The following STX18 variants were observed in gnomAD, a reference collection of about 807,000 sequenced individuals.
The protein encoded by STX18 is syntaxin 18, also known as syntaxin-18.
In STX18, 40 loss-of-function variants were observed where a neutral mutation model predicts 50.1. The observed-to-expected ratio is 0.80, with a 90% CI of 0.62 to 1.04. STX18 has a LOEUF of 1.04. Among genes scored for constraint, STX18 ranks in the 50% least tolerant of loss-of-function variants. The pLI, the probability that STX18 is intolerant of heterozygous loss-of-function variation, is 0.00. For missense variants in STX18, 410 were observed against 415.8 expected (o/e 0.99, Z 0.12); for synonymous variants, 158 against 151.8 (o/e 1.04, Z -0.30).
intron 5 of STX18, among the ~76,000 whole-genome samples, chr4:4,447,588 C>T (rs534466507): frequency 1.3e-4 from 9 of 70,152 alleles, no homozygotes; most frequent in Admixed American, 2.3e-4. Context: ...GAGACTCCGT[C>T]TCACAAAAAA....
chr4:4,430,923 C>T (rs1050924506), intron 7 of STX18, among the ~76,000 whole-genome samples: 2 of 152,210 alleles, frequency 1.3e-5, no homozygotes, highest in African/African-American at 2.4e-5. Flanking sequence ...ATAGCCAACT[C>T]TGTCTAGTCC....
At chr4:4,512,575 C>G (rs954622565) in intron 1 of STX18, among the ~76,000 whole-genome samples, 1 of 152,252 alleles carries the variant, frequency 6.6e-6, no homozygotes, top group Admixed American at 6.5e-5. Flanking sequence ...TGCTGATTAA[C>G]AAGCACACCA....
intron 1 of STX18, among the ~76,000 whole-genome samples, chr4:4,541,224 C>T (rs1731575598): frequency 2.0e-5 from 3 of 152,212 alleles, no homozygotes; most frequent in Admixed American, 1.3e-4. Context: ...GGGACACCTG[C>T]TCTGATCAGG....
intron 1 of STX18, among the ~76,000 whole-genome samples, chr4:4,500,087 T>TA (rs927900381): frequency 6.7e-6 from 1 of 149,926 alleles, no homozygotes; most frequent in Non-Finnish European, 1.5e-5. Context: ...CACTTGGTGT[T>TA]AAAAAAAAAT....
intron 7 of STX18, among the ~76,000 whole-genome samples, chr4:4,430,692 G>C (rs968178125): frequency 1.3e-5 from 2 of 152,196 alleles, no homozygotes; most frequent in Non-Finnish European, 2.9e-5. Context: ...CATATCAGTT[G>C]CTAAAACACG....
At chr4:4,514,824 G>A (rs988760688) in intron 1 of STX18, among the ~76,000 whole-genome samples, 1 of 151,982 alleles carries the variant, frequency 6.6e-6, no homozygotes, top group Non-Finnish European at 1.5e-5. Flanking sequence ...CAGATAAGGG[G>A]GTATATGAGA....
In STX18 at chr4:4,421,242, T is replaced by TGAAACG. The variant is rs1724943039; in HGVS notation, c.832-304_832-299dup. On this transcript the variant is annotated intron_variant, in intron 9 of 10. Transcript: ENST00000306200. ...AGAAGTAGGTATTACCTCTATTTTATGAAACGGAAACTCACGGCTCAGAGA... is the reference window on the plus strand; with the variant it reads ...AGAAGTAGGTATTACCTCTATTTTATGAAACGGAAACGGAAACTCACGGCTCAGAGA... 3.9e-5 allele frequency among the ~76,000 whole-genome samples: 6 copies of TGAAACG among 151,958 alleles called. No individual in the cohort carries two copies. The South Asian group carries it at 1.2e-3, about 32-fold the overall frequency.
At chr4:4,445,867 A>T (rs1311150832) in intron 5 of STX18, among the ~76,000 whole-genome samples, 1 of 152,200 alleles carries the variant, frequency 6.6e-6, no homozygotes, top group Admixed American at 6.5e-5. Flanking sequence ...AAAAATCTAA[A>T]ATAGCAAAAA....
At chr4:4,473,041 CT>C (rs1267595989) in intron 1 of STX18, among the ~76,000 whole-genome samples, 1 of 152,184 alleles carries the variant, frequency 6.6e-6, no homozygotes, top group East Asian at 1.9e-4. Flanking sequence ...CCTGACACTG[CT>C]CAACACTTTC....
intron 1 of STX18, among the ~76,000 whole-genome samples, chr4:4,518,888 CA>C (rs1227463703): frequency 2.0e-5 from 3 of 152,068 alleles, no homozygotes; most frequent in Non-Finnish European, 4.4e-5. Context: ...CTATAAGAAA[CA>C]AAAGAAAGCC....
chr4:4,423,412 G>T, intron 9 of STX18, 106 bp downstream of exon 9: 1 of 1,077,300 alleles, frequency 9.3e-7, no homozygotes, highest in Non-Finnish European at 1.4e-6. Context: ...ACATGGCTCT[G>T]CTCCTGGCTG....
rs546069898 is a variant in STX18, at chr4:4,419,514, A to G, written c.*520T>C. On this transcript the variant is annotated 3_prime_UTR_variant, in exon 11 of 11. Coordinates refer to ENST00000306200, the MANE Select transcript of STX18 (RefSeq NM_016930.4). Reference sequence around the variant, plus strand: ...TATATTTATTAGATTAACAAGGCAGATGTGAATTTTCTCTTCTATAATCCA... The same window carrying G: ...TATATTTATTAGATTAACAAGGCAGGTGTGAATTTTCTCTTCTATAATCCA... 6 of 152,822 alleles carry G rather than the reference A, an allele frequency of 3.9e-5. No individual in the cohort carries two copies. The South Asian group carries it at 1.0e-3, about 26-fold the overall frequency. 9.5% of individuals were successfully genotyped at this position (152,822 alleles called of 1,614,324 possible).
intron 1 of STX18, among the ~76,000 whole-genome samples, chr4:4,525,020 A>G (rs746424869): frequency 2.0e-5 from 3 of 152,202 alleles, no homozygotes; most frequent in Non-Finnish European, 4.4e-5. Flanking sequence ...GAGATTCCAG[A>G]TGTGGAAGGA....
At chr4:4,533,088 T>C (rs1292578978) in intron 1 of STX18, among the ~76,000 whole-genome samples, 1 of 152,220 alleles carries the variant, frequency 6.6e-6, no homozygotes, top group Non-Finnish European at 1.5e-5. Flanking sequence ...GAAAAAAGTA[T>C]TGCCGGGTTT....
At chr4:4,505,493 T>A (rs577284773) in intron 1 of STX18, among the ~76,000 whole-genome samples, 33 of 152,006 alleles carry the variant, frequency 2.2e-4, no homozygotes, top group Non-Finnish European at 4.0e-4. Context: ...AAACTCGAAG[T>A]ATGGGGATGG....
At chr4:4,438,339 T>C in intron 6 of STX18, 55 bp downstream of exon 6, 1 of 1,365,730 alleles carries the variant, frequency 7.3e-7, no homozygotes, top group Non-Finnish European at 1.0e-6. Context: ...GCTGTACTCT[T>C]GCCAACATGT....
At chr4:4,532,414 T>G (rs1445368866) in intron 1 of STX18, among the ~76,000 whole-genome samples, 1 of 152,034 alleles carries the variant, frequency 6.6e-6, no homozygotes, top group African/African-American at 2.4e-5. Context: ...CAAATACATT[T>G]GTGAAAACAC....
chr4:4,521,001 A>T (rs1372096), intron 1 of STX18, among the ~76,000 whole-genome samples: 36 of 152,330 alleles, frequency 2.4e-4, no homozygotes, highest in African/African-American at 6.7e-4. Flanking sequence ...TTGAAGATGA[A>T]AAACATTTTC....
At chr4:4,493,660 T>C (rs1422425415) in intron 1 of STX18, among the ~76,000 whole-genome samples, 1 of 152,228 alleles carries the variant, frequency 6.6e-6, no homozygotes, top group East Asian at 1.9e-4. Context: ...ATTATAATAA[T>C]CAATGATACT....
Sources: gnomAD v4.1 joint callset for allele counts (sites outside exome capture counted in the v4.1 genomes callset) on GRCh38, gnomAD v4.1.1 for gene constraint, MANE v1.5 for transcripts, NCBI Gene and HGNC (gene_info 2026-07-23, HGNC 2026-07-21) for gene names.